Variants in TRMT1 observed in about 807,000 individuals in gnomAD.
TRMT1 encodes the protein tRNA (guanine(26)-N(2))-dimethyltransferase.
A neutral mutation model predicts 75.4 loss-of-function variants in TRMT1; 63 were observed. That is an observed-to-expected ratio of 0.84 (90% confidence interval 0.68 to 1.03). The LOEUF is 1.03. TRMT1 is among the 50% of genes least tolerant of loss of function. TRMT1 has a pLI of 0.00. For missense variants in TRMT1, 870 were observed against 905.3 expected (o/e 0.96, Z 0.50); for synonymous variants, 382 against 358.1 (o/e 1.07, Z -0.75).
Position 13,113,001 on chromosome 19 carries a change from A to G in TRMT1, c.652T>C (p.Tyr218His), listed in dbSNP as rs202212823. 6.2e-7 allele frequency: 1 copy of G among 1,610,676 alleles called. No homozygotes were observed. Among genetic ancestry groups the G allele is most frequent in the East Asian group, 2.2e-5 (1 of 44,860 alleles). Residue 218 changes from tyrosine to histidine, a missense_variant, in exon 6 of 17, where the codon TAC (tyrosine) becomes CAC (histidine). Coordinates refer to ENST00000357720, the MANE Select transcript of TRMT1 (RefSeq NM_001136035.4). ...PSQADARMLM[Y>H]QHQRVSERFD... Reference sequence around the variant, plus strand: ...CTCTCCGACACCCTCTGGTGCTGGTACATCAGCATCCTGGGTGCAAAGAGG... The same window carrying G: ...CTCTCCGACACCCTCTGGTGCTGGTGCATCAGCATCCTGGGTGCAAAGAGG...
In TRMT1 at chr19:13,105,474, TACC is replaced by T; in HGVS notation, c.1703+10_1703+12del. 6.2e-7 allele frequency: 1 copy of T among 1,613,928 alleles called. No homozygotes were observed. Among genetic ancestry groups the T allele is most frequent in the Middle Eastern group, 1.6e-4 (1 of 6,062 alleles). On this transcript the variant is annotated intron_variant, in intron 15 of 16. Transcript: ENST00000357720. ...CCCTGGCTGAGCCCCACCCCCACCT[TACC>T]ACCACTCACCCTGGCCGGGCACGAG... is the stretch of plus-strand genomic sequence containing the variant.
chr19:13,113,147 A>C, intron 5 of TRMT1, 136 bp from the exon 6 acceptor site: 2 of 505,412 alleles, frequency 4.0e-6, no homozygotes, highest in Non-Finnish European at 6.7e-6. Context: ...GTCCTGGCTC[A>C]GTCATTTATT....
rs766561752 is a variant in TRMT1, at chr19:13,115,785, G to A, written c.311-17C>T. The stretch of plus-strand genomic sequence containing the variant: ...GAACCTTGACTGCAGCCACCCAGAG[G>A]CACAAGTCAGAGAATAACAAGGTCC... On this transcript the variant is annotated splice_polypyrimidine_tract_variant and intron_variant, in intron 3 of 16. Coordinates refer to ENST00000357720, the MANE Select transcript of TRMT1 (RefSeq NM_001136035.4). 8 of 1,613,818 alleles carry A rather than the reference G, an allele frequency of 5.0e-6. 1 individual carries two copies. Among genetic ancestry groups the A allele is most frequent in the African/African-American group, 1.3e-5 (1 of 75,008 alleles).
chr19:13,105,721 C>A, intron 14 of TRMT1, 115 bp from the exon 15 acceptor site: 1 of 1,080,280 alleles, frequency 9.3e-7, no homozygotes, highest in East Asian at 2.5e-5. Context: ...CTGCTCATGT[C>A]AGGATTCTCT....
chr19:13,116,380 C>A lies in TRMT1; in HGVS notation c.20G>T (p.Trp7Leu). MQGSSL[W>L]LSLTFRSARV... is the part of the protein sequence containing the mutation. ...GGCGGAGCGGAAAGTGAGGCTTAGCCACAGAGACGATCCTTGCATGAGACA... is the reference window on the plus strand; with the variant it reads ...GGCGGAGCGGAAAGTGAGGCTTAGCAACAGAGACGATCCTTGCATGAGACA... Residue 7 changes from tryptophan to leucine, a missense_variant, in exon 2 of 17, where the codon TGG becomes TTG. Physicochemically the swap from Trp to Leu is moderately conservative, Grantham distance 61. Coordinates refer to ENST00000357720, the MANE Select transcript of TRMT1 (RefSeq NM_001136035.4). 6.2e-7 allele frequency: 1 copy of A among 1,607,256 alleles called. No homozygotes were observed. Among genetic ancestry groups the A allele is most frequent in the Admixed American group, 1.7e-5 (1 of 59,972 alleles).
intron 12 of TRMT1, among the ~76,000 whole-genome samples, chr19:13,108,870 A>G (rs994741590): frequency 6.6e-6 from 1 of 151,576 alleles, no homozygotes; most frequent in Admixed American, 6.6e-5. Context: ...TCAGCCTCCC[A>G]AAGTGCTGGG....
chr19:13,111,009 G>A (rs2019117765), intron 7 of TRMT1, among the ~76,000 whole-genome samples: 1 of 152,156 alleles, frequency 6.6e-6, no homozygotes. Context: ...ACTCTGATAT[G>A]GGAAAGGAGA....
intron 9 of TRMT1, 26 bp downstream of exon 9, chr19:13,109,889 C>T (rs35601737): frequency 1.2e-6 from 2 of 1,613,832 alleles, no homozygotes; most frequent in East Asian, 2.2e-5. Flanking sequence ...CTGGGACTCC[C>T]CTTCTTCTCC....
intron 14 of TRMT1, among the ~76,000 whole-genome samples, 189 bp downstream of exon 14, chr19:13,107,385 C>A (rs867716383): frequency 6.6e-6 from 1 of 152,204 alleles, no homozygotes; most frequent in Non-Finnish European, 1.5e-5. Context: ...GGTGATCCAC[C>A]TGCCTCAGCC....
chr19:13,108,157 A>C (rs2018970538), intron 12 of TRMT1, among the ~76,000 whole-genome samples: 1 of 150,604 alleles, frequency 6.6e-6, no homozygotes. Context: ...CGCCCAGCTA[A>C]TTTTTGTATT....
At chr19:13,108,342 G>A (rs1364826277) in intron 12 of TRMT1, among the ~76,000 whole-genome samples, 2 of 151,850 alleles carry the variant, frequency 1.3e-5, no homozygotes, top group African/African-American at 4.8e-5. Context: ...TCAGGCTGGT[G>A]TGCAATGATG....
At position 13,104,969 on chromosome 19, in the gene TRMT1, C is replaced by T. The variant is rs1158808402; in HGVS notation, c.1946G>A (p.Gly649Glu). The change falls in exon 17 of 17, where the codon GGA (glycine) becomes GAA (glutamate). Residue 649 changes from glycine to glutamate, a missense_variant. Transcript: ENST00000357720. ...CPETSNQTPP[G>E]PGAAAGPGID ...GCCTGGCCCAGCGGCAGCCCCAGGTCCAGGGGGGGTCTGGTTGGAGGTCTC... is the reference window on the plus strand; with the variant it reads ...GCCTGGCCCAGCGGCAGCCCCAGGTTCAGGGGGGGTCTGGTTGGAGGTCTC... The T allele has an allele frequency of 1.2e-6, 2 of 1,613,702 alleles. No homozygotes were observed. The highest frequency in any genetic ancestry group is 2.2e-5 in the East Asian group (1 of 44,894).
chr19:13,116,500 A>G (rs2019370648), intron 1 of TRMT1, 69 bp from the exon 2 acceptor site: 2 of 1,467,292 alleles, frequency 1.4e-6, no homozygotes, highest in African/African-American at 2.8e-5. Context: ...GGGATGTCCT[A>G]CATATCTATG....
chr19:13,115,968 G>T (rs200623228), intron 3 of TRMT1, 29 bp downstream of exon 3: 1 of 1,613,780 alleles, frequency 6.2e-7, no homozygotes, highest in East Asian at 2.2e-5. Context: ...TGTGACCCCC[G>T]CCCACCAGAA....
chr19:13,115,983 G>C lies in TRMT1; in HGVS notation c.310+14C>G. Reference sequence around the variant, plus strand: ...TGTGACCCCCGCCCACCAGAAGCCTGGACCTCCACTCACTCTGGATTCCTT... The same window carrying C: ...TGTGACCCCCGCCCACCAGAAGCCTCGACCTCCACTCACTCTGGATTCCTT... On this transcript the variant is annotated intron_variant, in intron 3 of 16. Coordinates refer to ENST00000357720, the MANE Select transcript of TRMT1 (RefSeq NM_001136035.4). 6.2e-7 allele frequency: 1 copy of C among 1,613,918 alleles called. No individual in the cohort carries two copies. The highest frequency in any genetic ancestry group is 8.5e-7 in the Non-Finnish European group (1 of 1,179,984).
In TRMT1 at chr19:13,115,665, T is replaced by A. The variant is rs1168782259; in HGVS notation, c.414A>T (p.Gly138=). The change falls in exon 4 of 17, where the codon GGA becomes GGT. Residue 138 remains glycine, a synonymous_variant. Coordinates refer to ENST00000357720, the MANE Select transcript of TRMT1 (RefSeq NM_001136035.4). The stretch of plus-strand genomic sequence containing the variant: ...CCACGGCCGCTGTGCGAGGTTGGTC[T>A]CCTGAGGCCAGGTTTTCACTCTCTT... ...ELKESENLAS[G]DQPRTAAVGE... 2.5e-6 allele frequency: 4 copies of A among 1,614,042 alleles called. No homozygotes were observed. The highest frequency in any genetic ancestry group is 3.4e-6 in the Non-Finnish European group (4 of 1,180,008).
rs1165974315 is a variant in TRMT1 at position 13,105,391 on chromosome 19, T to A, written c.1709A>T (p.Lys570Met). The A allele has an allele frequency of 1.9e-6, 3 of 1,613,718 alleles. No individual in the cohort carries two copies. The highest frequency in any genetic ancestry group is 2.5e-6 in the Non-Finnish European group (3 of 1,180,000). ...GPRPRARPGG[K>M]AADEAMEERR... is the part of the protein sequence containing the mutation. The stretch of plus-strand genomic sequence containing the variant: ...CTCCTCCATAGCTTCGTCGGCCGCC[T>A]TGCCCCTGTGCGAGGGGAGGAGTAG... The change falls in exon 16 of 17, where the codon AAG becomes ATG. Residue 570 changes from lysine (K) to methionine (M), a missense_variant. Transcript: ENST00000357720.
At position 13,109,764 on chromosome 19, in the gene TRMT1, C is replaced by T. The variant is rs2019058068; in HGVS notation, c.1176+5G>A. 5 of 1,614,118 alleles carry T rather than the reference C, an allele frequency of 3.1e-6. No individual in the cohort carries two copies. Among genetic ancestry groups the T allele is most frequent in the Middle Eastern group, 3.3e-4 (2 of 6,062 alleles). On this transcript the variant is annotated splice_donor_5th_base_variant and intron_variant, in intron 10 of 16. Coordinates refer to ENST00000357720, the MANE Select transcript of TRMT1 (RefSeq NM_001136035.4). ...GCTCCTTTGCCTCCCCTGGCCTAGC[C>T]CTACCTGGTGTCGTTGCCCACAGTG...
chr19:13,105,072 G>A lies in TRMT1; in HGVS notation c.1843C>T (p.Gln615Ter), dbSNP rs373766611. 7 of 1,589,092 alleles carry A rather than the reference G, an allele frequency of 4.4e-6. No individual in the cohort carries two copies. The highest frequency in any genetic ancestry group is 6.0e-6 in the Non-Finnish European group (7 of 1,166,260). ...GAGTAGCAGCACTGGTCCCCGCGTTGACAGGTGCCCTGGTGGGAAGATGGT... is the reference window on the plus strand; with the variant it reads ...GAGTAGCAGCACTGGTCCCCGCGTTAACAGGTGCCCTGGTGGGAAGATGGT... ...PCKRFKEGTC[Q>*]RGDQCCYSHS... Residue 615 changes from glutamine to a stop codon, truncating the protein, a stop_gained, in exon 17 of 17, where the codon CAA (glutamine) becomes TAA (stop). Coordinates refer to ENST00000357720, the MANE Select transcript of TRMT1 (RefSeq NM_001136035.4). LOFTEE classifies it low-confidence loss of function (END_TRUNC).
Sources: allele counts gnomAD v4.1 joint callset (sites outside exome capture counted in the v4.1 genomes callset), GRCh38; gene constraint gnomAD v4.1.1; transcripts MANE v1.5; gene names NCBI Gene and HGNC (gene_info 2026-07-23, HGNC 2026-07-21).